Variants in ATP13A5 observed in about 807,000 individuals in gnomAD.
ATP13A5 encodes ATPase 13A5.
ATP13A5 carries 149 observed loss-of-function variants against 150.2 expected under a neutral mutation model. The observed-to-expected ratio is 0.99, with a 90% confidence interval of 0.87 to 1.14. The LOEUF (loss-of-function observed/expected upper bound fraction) is 1.14, where lower values mean the gene tolerates loss of function less well. Ranked by LOEUF, ATP13A5 falls within the 50% of genes most tolerant of loss-of-function variation. ATP13A5 has a pLI of 0.00. For synonymous variants in ATP13A5, 497 were observed against 522.2 expected, an observed-to-expected ratio of 0.95 and a Z score of 0.66; for missense variants, 1,383 against 1,449.3, an observed-to-expected ratio of 0.95 and a Z score of 0.74.
chr3:193,357,624 G>T (rs1471839709), intron 5 of ATP13A5, among the ~76,000 whole-genome samples: 1 of 152,200 alleles, frequency 6.6e-6, no homozygotes, highest in African/African-American at 2.4e-5. Flanking sequence ...TGACCAGCTG[G>T]CAGGGAAAAC....
At chr3:193,325,064 T>G (rs373113161) in intron 13 of ATP13A5, 50 bp from the exon 14 acceptor site, 1 of 1,575,230 alleles carries the variant, frequency 6.3e-7, no homozygotes, top group Non-Finnish European at 8.7e-7. Context: ...TTTTGCACAT[T>G]CTGTCCCTTA....
At chr3:193,292,349 G>A (rs1717997511) in intron 25 of ATP13A5, among the ~76,000 whole-genome samples, 1 of 152,080 alleles carries the variant, frequency 6.6e-6, no homozygotes, top group East Asian at 1.9e-4. Context: ...TGTGCATCTG[G>A]CTTCTACCTC....
chr3:193,305,416 G>T, intron 23 of ATP13A5, 143 bp downstream of exon 23: 1 of 715,070 alleles, frequency 1.4e-6, no homozygotes, highest in Non-Finnish European at 2.4e-6. Context: ...AACACTAATG[G>T]CCCCCTTCAT....
chr3:193,338,151 C>G (rs2108879622), intron 9 of ATP13A5, among the ~76,000 whole-genome samples: 1 of 152,258 alleles, frequency 6.6e-6, no homozygotes, highest in East Asian at 1.9e-4. Flanking sequence ...ATGGGGTTTT[C>G]TAAATATACA....
At chr3:193,280,003 A>AG (rs1717410221) in intron 27 of ATP13A5, among the ~76,000 whole-genome samples, 1 of 147,732 alleles carries the variant, frequency 6.8e-6, no homozygotes, top group African/African-American at 2.5e-5. Context: ...AAAAAAAAAA[A>AG]GCCCTGTGTA....
At chr3:193,294,894 T>C (rs1718103666) in intron 25 of ATP13A5, among the ~76,000 whole-genome samples, 1 of 152,166 alleles carries the variant, frequency 6.6e-6, no homozygotes, top group Non-Finnish European at 1.5e-5. Flanking sequence ...CACAGTACAA[T>C]GTAAAGTGTC....
intron 11 of ATP13A5, among the ~76,000 whole-genome samples, chr3:193,332,818 G>T (rs1711686605): frequency 6.6e-6 from 1 of 152,082 alleles, no homozygotes; most frequent in Non-Finnish European, 1.5e-5. Flanking sequence ...GTGTGTATTG[G>T]ATGTTAAGTT....
chr3:193,337,590 G>GTC (rs1239530148), intron 9 of ATP13A5, among the ~76,000 whole-genome samples: 1 of 152,098 alleles, frequency 6.6e-6, no homozygotes, highest in East Asian at 1.9e-4. Flanking sequence ...ATTGGTCTAT[G>GTC]TCTCTGTTTT....
chr3:193,307,255 C>T, intron 22 of ATP13A5, 72 bp downstream of exon 22: 2 of 1,609,268 alleles, frequency 1.2e-6, no homozygotes, highest in South Asian at 1.1e-5. Flanking sequence ...GAGACAAACC[C>T]CAGGAGAGCC....
chr3:193,314,839 G>A, intron 18 of ATP13A5, 133 bp downstream of exon 18: 3 of 1,143,070 alleles, frequency 2.6e-6, no homozygotes, highest in Non-Finnish European at 3.8e-6. Flanking sequence ...TTAGGTAAGG[G>A]ACTACAGGGT....
intron 24 of ATP13A5, 49 bp downstream of exon 24, chr3:193,301,162 A>G (rs1476749057): frequency 1.5e-6 from 2 of 1,343,296 alleles, no homozygotes; most frequent in African/African-American, 2.9e-5. Flanking sequence ...ATAATAAATT[A>G]GGGACATAAA....
intron 8 of ATP13A5, among the ~76,000 whole-genome samples, chr3:193,344,298 T>C (rs1463439718): frequency 1.3e-5 from 2 of 152,194 alleles, no homozygotes; most frequent in Admixed American, 1.3e-4. Context: ...CCTGGTGTGC[T>C]TTGCCCACAG....
At chr3:193,288,914 C>G (rs903461024) in intron 26 of ATP13A5, among the ~76,000 whole-genome samples, 3 of 152,046 alleles carry the variant, frequency 2.0e-5, no homozygotes, top group African/African-American at 7.2e-5. Context: ...TATCCATCCT[C>G]TTTTGGCTAC....
intron 21 of ATP13A5, among the ~76,000 whole-genome samples, chr3:193,310,434 G>T (rs1414534362): frequency 1.3e-5 from 2 of 152,162 alleles, no homozygotes; most frequent in African/African-American, 4.8e-5. Flanking sequence ...GCTCTTTGAG[G>T]AATTGTCATA....
At chr3:193,291,043 A>G (rs1717930328) in intron 25 of ATP13A5, among the ~76,000 whole-genome samples, 1 of 152,124 alleles carries the variant, frequency 6.6e-6, no homozygotes, top group Non-Finnish European at 1.5e-5. Flanking sequence ...CAGGTAGAGT[A>G]GTGGTAAATG....
At chr3:193,284,005 C>T (rs569986777) in intron 27 of ATP13A5, among the ~76,000 whole-genome samples, 22 of 73,060 alleles carry the variant, frequency 3.0e-4, no homozygotes, top group South Asian at 5.8e-4. Flanking sequence ...CTTTGGCCTG[C>T]GGATTATTAT....
chr3:193,374,673 ACG>A, intron 1 of ATP13A5, among the ~76,000 whole-genome samples: 2 of 150,892 alleles, frequency 1.3e-5, no homozygotes, highest in African/African-American at 2.4e-5. Context: ...ACACACACAC[ACG>A]CATACATAGT....
chr3:193,289,563 C>T (rs933154075), intron 26 of ATP13A5, among the ~76,000 whole-genome samples: 1 of 152,102 alleles, frequency 6.6e-6, no homozygotes, highest in Non-Finnish European at 1.5e-5. Flanking sequence ...ATGTAGTGCA[C>T]AAAGCCTATT....
At chr3:193,287,259 TCTACA>T (rs1489564160) in intron 26 of ATP13A5, among the ~76,000 whole-genome samples, 2 of 152,110 alleles carry the variant, frequency 1.3e-5, no homozygotes, top group East Asian at 3.9e-4. Context: ...AATGAAGGTG[TCTACA>T]CTAAACAGCT....
Sources: gnomAD v4.1 joint callset for allele counts (sites outside exome capture counted in the v4.1 genomes callset) on GRCh38, gnomAD v4.1.1 for gene constraint, MANE v1.5 for transcripts, NCBI Gene and HGNC (gene_info 2026-07-23, HGNC 2026-07-21) for gene names.